SPAG16: variants seen among roughly 807,000 people sequenced by gnomAD.
The protein encoded by SPAG16 is sperm associated antigen 16, also known as sperm-associated antigen 16 protein.
SPAG16 carries 86 observed loss-of-function variants against 80.4 expected under a neutral mutation model. The ratio of observed to expected loss-of-function variants is 1.07; its 90% CI spans 0.90 to 1.28. SPAG16 has a LOEUF of 1.28. Among genes scored for constraint, SPAG16 ranks in the 50% most tolerant of loss-of-function variants. The probability of loss-of-function intolerance (pLI) is 0.00; values close to 1 mark genes in which losing one functional copy is unlikely to be tolerated. For synonymous variants in SPAG16, 294 were observed against 265.9 expected (o/e 1.11, Z -1.03); for missense variants, 870 against 765.3 (o/e 1.14, Z -1.61).
chr2:214,402,723 G>A (rs1173791249), intron 15 of SPAG16, among the ~76,000 whole-genome samples: 3 of 151,948 alleles, frequency 2.0e-5, no homozygotes, highest in Non-Finnish European at 4.4e-5. Context: ...AAGGCACTGG[G>A]TACATTGGAT....
At chr2:213,598,945 A>T (rs1433286948) in intron 10 of SPAG16, among the ~76,000 whole-genome samples, 2 of 152,196 alleles carry the variant, frequency 1.3e-5, no homozygotes, top group Non-Finnish European at 2.9e-5. Flanking sequence ...TTGACTCAGA[A>T]AGTTGACCTT....
chr2:213,353,862 T>C (rs1354095664), intron 7 of SPAG16, among the ~76,000 whole-genome samples: 1 of 152,172 alleles, frequency 6.6e-6, no homozygotes, highest in Non-Finnish European at 1.5e-5. Context: ...CCTAAAAATA[T>C]CCCAATTTAG....
At chr2:213,552,864 C>T (rs1325606620) in intron 10 of SPAG16, among the ~76,000 whole-genome samples, 1 of 152,204 alleles carries the variant, frequency 6.6e-6, no homozygotes, top group Non-Finnish European at 1.5e-5. Flanking sequence ...CTCCATCTTT[C>T]TCCCATGCTG....
chr2:214,375,437 G>A (rs1428982555), intron 15 of SPAG16, among the ~76,000 whole-genome samples: 1 of 152,034 alleles, frequency 6.6e-6, no homozygotes, highest in East Asian at 1.9e-4. Context: ...TTTATTATCT[G>A]AGACTAGTAT....
At chr2:213,410,551 G>A (rs1172583685) in intron 9 of SPAG16, among the ~76,000 whole-genome samples, 1 of 152,164 alleles carries the variant, frequency 6.6e-6, no homozygotes, top group African/African-American at 2.4e-5. Context: ...GGACTGCAAA[G>A]ATGGACTACA....
At chr2:213,513,747 C>G (rs780058961) in intron 10 of SPAG16, among the ~76,000 whole-genome samples, 1 of 152,164 alleles carries the variant, frequency 6.6e-6, no homozygotes, top group Non-Finnish European at 1.5e-5. Flanking sequence ...TATACTTAAG[C>G]TGGTCCCCTT....
At chr2:213,881,385 C>T (rs2076338972) in intron 11 of SPAG16, among the ~76,000 whole-genome samples, 1 of 152,146 alleles carries the variant, frequency 6.6e-6, no homozygotes, top group South Asian at 2.1e-4. Context: ...TCAGATTTTC[C>T]TATATGTAGG....
At chr2:213,869,281 G>GTATA (rs1364865230) in intron 11 of SPAG16, among the ~76,000 whole-genome samples, 1 of 36,910 alleles carries the variant, frequency 2.7e-5, no homozygotes, top group Non-Finnish European at 9.1e-5. Flanking sequence ...ATATATATAT[G>GTATA]TATATATATA....
intron 10 of SPAG16, among the ~76,000 whole-genome samples, chr2:213,692,271 T>G (rs13404340): frequency 0.025 from 3,772 of 152,300 alleles, 151 homozygotes; most frequent in African/African-American, 0.085. Context: ...GTTCAATACT[T>G]GGATTTGTTA....
At chr2:213,417,756 T>C (rs1357233509) in intron 9 of SPAG16, among the ~76,000 whole-genome samples, 1 of 152,198 alleles carries the variant, frequency 6.6e-6, no homozygotes, top group East Asian at 1.9e-4. Context: ...TTTACTTATC[T>C]ATAAAAATAT....
chr2:213,771,230 C>T (rs1385129688), intron 10 of SPAG16, among the ~76,000 whole-genome samples: 2 of 151,776 alleles, frequency 1.3e-5, no homozygotes, highest in Admixed American at 6.6e-5. Flanking sequence ...AGTTTTTTTT[C>T]GTATGTTTGC....
rs11296127 is a variant in SPAG16, at chr2:213,799,960, G to GA, written c.1071-62509dup. Among the ~76,000 whole-genome samples the GA allele has an allele frequency of 3.2e-3, 418 of 130,560 alleles. 2 individuals carry two copies. Among genetic ancestry groups the GA allele is most frequent in the African/African-American group, 0.01 (341 of 33,630 alleles). The allele number at this position is 130,560 out of a possible 152,430, so 85.7% of individuals were successfully genotyped here. Reference sequence around the variant, plus strand: ...ATGCCCATCAGTGATAGACTGGATTGAAAAAAAAAAAAAAAAGAAAAAACT... The same window carrying GA: ...ATGCCCATCAGTGATAGACTGGATTGAAAAAAAAAAAAAAAAAGAAAAAACT... On this transcript the variant is annotated intron_variant, in intron 10 of 15. Coordinates refer to ENST00000331683, the MANE Select transcript of SPAG16 (RefSeq NM_024532.5).
intron 10 of SPAG16, among the ~76,000 whole-genome samples, chr2:213,725,591 A>G: frequency 6.6e-6 from 1 of 152,176 alleles, no homozygotes; most frequent in Non-Finnish European, 1.5e-5. Context: ...ATGCCAGGAA[A>G]ATCAATCCCA....
rs377401461 is a variant in SPAG16 at position 213,610,442 on chromosome 2, C to A, written c.1070+120352C>A. Among the ~76,000 whole-genome samples, 24 of 152,230 alleles carry A rather than the reference C, an allele frequency of 1.6e-4. No individual in the cohort carries two copies. In the East Asian group the frequency reaches 3.9e-3, roughly 25 times the overall value. Reference sequence around the variant, plus strand: ...CCGAGGGCTGCTTTCTGTGAGATTTCGTCTACATAACCAGACCACTTTTGC... The same window carrying A: ...CCGAGGGCTGCTTTCTGTGAGATTTAGTCTACATAACCAGACCACTTTTGC... On this transcript the variant is annotated intron_variant, in intron 10 of 15. Transcript: ENST00000331683.
At chr2:214,355,074 G>T (rs1698684072) in intron 15 of SPAG16, among the ~76,000 whole-genome samples, 1 of 151,946 alleles carries the variant, frequency 6.6e-6, no homozygotes, top group South Asian at 2.1e-4. Context: ...AACCCTAGAA[G>T]AAAACCTACG....
At chr2:214,161,929 A>G (rs1393521539) in intron 15 of SPAG16, among the ~76,000 whole-genome samples, 1 of 152,076 alleles carries the variant, frequency 6.6e-6, no homozygotes, top group Non-Finnish European at 1.5e-5. Flanking sequence ...TGGAGGAGGG[A>G]TTGCTGAAGA....
intron 9 of SPAG16, among the ~76,000 whole-genome samples, chr2:213,433,895 CT>C (rs2070453762): frequency 6.9e-6 from 1 of 144,142 alleles, no homozygotes; most frequent in African/African-American, 2.6e-5. Context: ...GGACACTCTT[CT>C]TTTTTCCTTT....
chr2:213,599,829 G>A (rs1309685016), intron 10 of SPAG16, among the ~76,000 whole-genome samples: 1 of 152,126 alleles, frequency 6.6e-6, no homozygotes, highest in Non-Finnish European at 1.5e-5. Context: ...AGCATCCCGA[G>A]TAGCTGGGTT....
At chr2:213,868,076 G>A (rs2075776468) in intron 11 of SPAG16, among the ~76,000 whole-genome samples, 1 of 151,890 alleles carries the variant, frequency 6.6e-6, no homozygotes, top group African/African-American at 2.4e-5. Flanking sequence ...AACATTAGTT[G>A]GTAAAATCAT....
Sources: gnomAD v4.1 joint callset for allele counts (sites outside exome capture counted in the v4.1 genomes callset) on GRCh38, gnomAD v4.1.1 for gene constraint, MANE v1.5 for transcripts, NCBI Gene and HGNC (gene_info 2026-07-23, HGNC 2026-07-21) for gene names.